SGSM1: variants seen among roughly 807,000 people sequenced by gnomAD.
The protein encoded by SGSM1 is RUN and TBC1 domain containing 2.
Under a neutral mutation model 133.8 loss-of-function variants are expected in SGSM1, and 73 were observed. That is an observed-to-expected ratio of 0.55 (90% CI 0.45 to 0.66). SGSM1 has a LOEUF of 0.66. SGSM1 is among the 30% of genes least tolerant of loss of function. SGSM1 has a pLI of 0.00. For missense variants in SGSM1, 1,213 were observed against 1,448.1 expected (o/e 0.84, Z 2.64); for synonymous variants, 563 against 573.0 (o/e 0.98, Z 0.25).
intron 13 of SGSM1, 122 bp from the exon 14 acceptor site, chr22:24,879,340 A>T: frequency 1.2e-6 from 1 of 844,602 alleles, no homozygotes; most frequent in Non-Finnish European, 1.9e-6. Flanking sequence ...AGCCCTCCCT[A>T]CAGTCTCCCT....
intron 21 of SGSM1, among the ~76,000 whole-genome samples, chr22:24,911,477 C>T (rs187903614): frequency 1.1e-4 from 16 of 152,014 alleles, no homozygotes; most frequent in South Asian, 2.1e-4. Flanking sequence ...ACTTTAGACA[C>T]GGACTGCACA....
intron 20 of SGSM1, among the ~76,000 whole-genome samples, chr22:24,904,440 C>T (rs1042594103): frequency 4.0e-5 from 6 of 151,878 alleles, no homozygotes; most frequent in East Asian, 3.9e-4. Flanking sequence ...ATTAGCTGGG[C>T]GAGGTGGCGG....
At position 24,868,828 on chromosome 22, in the gene SGSM1, A is replaced by T; in HGVS notation, c.1264A>T (p.Ile422Phe). ...DEATDYVFRI[I>F]YPGMQSEFVP... The stretch of plus-strand genomic sequence containing the variant: ...GGCCACGGATTATGTGTTCAGGATC[A>T]TCTACCCTGGCATGCAGTCGGAATT... Residue 422 changes from isoleucine (I) to phenylalanine (F), a missense_variant, in exon 12 of 25, where the codon ATC (isoleucine) becomes TTC (phenylalanine). By Grantham distance (21) the Ile-to-Phe change is conservative. Coordinates refer to ENST00000400358, the MANE Select transcript of SGSM1 (RefSeq NM_001098497.3). The T allele has an allele frequency of 6.2e-7, 1 of 1,613,972 alleles. No individual in the cohort carries two copies. The highest frequency in any genetic ancestry group is 2.2e-5 in the East Asian group (1 of 44,876).
At chr22:24,866,984 T>A (rs1412890856) in intron 9 of SGSM1, 109 bp from the exon 10 acceptor site, 1 of 993,458 alleles carries the variant, frequency 1.0e-6, no homozygotes, top group African/African-American at 1.6e-5. Context: ...GCTGGGGACC[T>A]AATGGGAAGG....
intron 13 of SGSM1, among the ~76,000 whole-genome samples, chr22:24,879,075 T>C (rs977734606): frequency 3.9e-5 from 6 of 152,190 alleles, no homozygotes; most frequent in Non-Finnish European, 8.8e-5. Context: ...TCCCACTGGC[T>C]TAGAAACCCA....
chr22:24,900,414 T>TCTTTCTTTCTTC, intron 19 of SGSM1, among the ~76,000 whole-genome samples: 1 of 146,272 alleles, frequency 6.8e-6, no homozygotes, highest in African/African-American at 2.6e-5. Context: ...TTTCTGTATT[T>TCTTTCTTTCTTC]TTGAGACAGA....
At chr22:24,858,623 G>A (rs904132915) in intron 8 of SGSM1, among the ~76,000 whole-genome samples, 1 of 132,474 alleles carries the variant, frequency 7.5e-6, no homozygotes, top group South Asian at 2.6e-4. Context: ...GCAACAGAGC[G>A]AGACTCCATC....
chr22:24,863,119 G>A (rs1182015724), intron 9 of SGSM1, among the ~76,000 whole-genome samples: 2 of 152,154 alleles, frequency 1.3e-5, no homozygotes, highest in Non-Finnish European at 2.9e-5. Context: ...ATCATCTTTC[G>A]CTGTTGGTGA....
intron 9 of SGSM1, among the ~76,000 whole-genome samples, chr22:24,865,422 A>G (rs1469611767): frequency 6.6e-6 from 1 of 152,174 alleles, no homozygotes; most frequent in East Asian, 1.9e-4. Flanking sequence ...ACTTCCGTGA[A>G]GTCTGGTGAG....
At chr22:24,872,070 G>A (rs1024863334) in intron 12 of SGSM1, among the ~76,000 whole-genome samples, 1 of 152,156 alleles carries the variant, frequency 6.6e-6, no homozygotes. Flanking sequence ...CCACAGCAGC[G>A]GAGGTGAATC....
chr22:24,918,191 G>A (rs934130591), intron 23 of SGSM1, among the ~76,000 whole-genome samples: 16 of 152,076 alleles, frequency 1.1e-4, no homozygotes, highest in African/African-American at 3.9e-4. Flanking sequence ...TTCAGATTTG[G>A]GGTGATGTTA....
chr22:24,859,668 C>T (rs1437759495), intron 8 of SGSM1, 48 bp from the exon 9 acceptor site: 2 of 1,611,436 alleles, frequency 1.2e-6, no homozygotes, highest in Non-Finnish European at 8.5e-7. Flanking sequence ...CCTATGTCCA[C>T]AGCAACTCCA....
chr22:24,890,923 C>T (rs925045057), intron 16 of SGSM1, among the ~76,000 whole-genome samples: 3 of 152,244 alleles, frequency 2.0e-5, no homozygotes, highest in East Asian at 1.9e-4. Flanking sequence ...TAAATTGACT[C>T]GCTTAAGATT....
chr22:24,838,100 A>C (rs1489563366), intron 2 of SGSM1, among the ~76,000 whole-genome samples: 1 of 152,074 alleles, frequency 6.6e-6, no homozygotes, highest in Non-Finnish European at 1.5e-5. Context: ...ATTTTACTTT[A>C]ATTTCTGTAT....
Position 24,860,897 on chromosome 22 carries a change from TAAAAAAAAAAAAA to T in SGSM1, c.926+1071_926+1083del, listed in dbSNP as rs554853690. ...CCTGGGTGACAGAGCGAGACTGTCT[TAAAAAAAAAAAAA>T]AAAAAAAAAAAAATATATATATATA... is the stretch of plus-strand genomic sequence containing the variant. On this transcript the variant is annotated intron_variant, in intron 9 of 24. Transcript: ENST00000400358. Among the ~76,000 whole-genome samples, 268 of 43,870 alleles carry T rather than the reference TAAAAAAAAAAAAA, an allele frequency of 6.1e-3. 5 individuals carry two copies. The highest frequency in any genetic ancestry group is 0.02 in the African/African-American group (243 of 11,994). 28.8% of individuals were successfully genotyped at this position (43,870 alleles called of 152,430 possible).
rs1311738584 is a variant in SGSM1 at position 24,881,036 on chromosome 22, C to CA, written c.1495+1517dup. ...TGAAACCCCGTCTCTACTAAAAATA[C>CA]AAAAAAATTGGCCGGGCATGGTGGC... On this transcript the variant is annotated intron_variant, in intron 14 of 24. Coordinates refer to ENST00000400358, the MANE Select transcript of SGSM1 (RefSeq NM_001098497.3). Among the ~76,000 whole-genome samples the CA allele has an allele frequency of 4.0e-5, 6 of 151,358 alleles. No homozygotes were observed. In the East Asian group the frequency reaches 9.8e-4, roughly 25 times the overall value.
At chr22:24,897,371 A>G (rs1473780431) in intron 18 of SGSM1, among the ~76,000 whole-genome samples, 1 of 152,162 alleles carries the variant, frequency 6.6e-6, no homozygotes, top group African/African-American at 2.4e-5. Context: ...CAAGAGAGAA[A>G]CTCCATCTCA....
At chr22:24,854,923 T>G in intron 5 of SGSM1, 73 bp from the exon 6 acceptor site, 3 of 1,244,964 alleles carry the variant, frequency 2.4e-6, no homozygotes, top group Admixed American at 3.9e-5. Flanking sequence ...CACTGGGGAT[T>G]GAACTCTCAT....
At chr22:24,877,776 C>A (rs987546140) in intron 13 of SGSM1, among the ~76,000 whole-genome samples, 17 of 142,644 alleles carry the variant, frequency 1.2e-4, no homozygotes, top group African/African-American at 2.6e-5. Flanking sequence ...TTGAGAAGTG[C>A]TAATATTACT....
Sources: gnomAD v4.1 joint callset for allele counts (sites outside exome capture counted in the v4.1 genomes callset) on GRCh38, gnomAD v4.1.1 for gene constraint, MANE v1.5 for transcripts, NCBI Gene and HGNC (gene_info 2026-07-23, HGNC 2026-07-21) for gene names.